Variants in ROBO2 observed in about 807,000 individuals in gnomAD.
The protein encoded by ROBO2 is roundabout guidance receptor 2, also known as roundabout homolog 2.
Under a neutral mutation model 160.8 loss-of-function variants are expected in ROBO2, and 53 were observed. That is an observed-to-expected ratio of 0.33 (90% confidence interval 0.26 to 0.41). The LOEUF is 0.41. ROBO2 is among the 10% of genes least tolerant of loss of function. The pLI is 1.00. For missense variants in ROBO2, 1,577 were observed against 1,722.4 expected, an observed-to-expected ratio of 0.92 and a Z score of 1.49; for synonymous variants, 664 against 611.7, an observed-to-expected ratio of 1.09 and a Z score of -1.26.
chr3:77,309,264 T>A (rs963280193), intron 2 of ROBO2, among the ~76,000 whole-genome samples: 34 of 152,294 alleles, frequency 2.2e-4, no homozygotes, highest in Admixed American at 1.8e-3. Flanking sequence ...AATACGTAAA[T>A]ACATAATTCA....
chr3:76,208,684 C>A (rs1702956418), intron 2 of ROBO2, among the ~76,000 whole-genome samples: 1 of 152,112 alleles, frequency 6.6e-6, no homozygotes, highest in African/African-American at 2.4e-5. Flanking sequence ...TTTATTGTTT[C>A]CTGTGTAAAA....
At chr3:77,312,760 A>G (rs2063658036) in intron 2 of ROBO2, among the ~76,000 whole-genome samples, 1 of 152,192 alleles carries the variant, frequency 6.6e-6, no homozygotes, top group Non-Finnish European at 1.5e-5. Flanking sequence ...GAAAATGTCT[A>G]CCTTAAGCAA....
chr3:75,985,946 A>G (rs570912058), intron 2 of ROBO2, among the ~76,000 whole-genome samples: 22 of 151,774 alleles, frequency 1.4e-4, no homozygotes, highest in Admixed American at 1.3e-3. Flanking sequence ...CCATTAATCC[A>G]TTGAGAGACA....
At chr3:77,354,291 A>T (rs958371532) in intron 2 of ROBO2, among the ~76,000 whole-genome samples, 2 of 152,204 alleles carry the variant, frequency 1.3e-5, no homozygotes, top group Non-Finnish European at 2.9e-5. Flanking sequence ...ATACAGATCA[A>T]CCTAGAGCAC....
intron 2 of ROBO2, among the ~76,000 whole-genome samples, chr3:76,502,742 T>C (rs1019838162): frequency 6.6e-6 from 1 of 152,140 alleles, no homozygotes; most frequent in African/African-American, 2.4e-5. Context: ...CTTGTGATGA[T>C]TTGAACACGG....
chr3:76,971,516 G>T (rs1292435558), intron 2 of ROBO2, among the ~76,000 whole-genome samples: 1 of 151,854 alleles, frequency 6.6e-6, no homozygotes, highest in East Asian at 1.9e-4. Context: ...ATAAGCATAT[G>T]TATTTGCCAG....
chr3:76,919,953 T>C (rs2076558742), intron 2 of ROBO2, among the ~76,000 whole-genome samples: 1 of 152,206 alleles, frequency 6.6e-6, no homozygotes, highest in Non-Finnish European at 1.5e-5. Context: ...CATGCACCTA[T>C]TTACTTCACT....
intron 2 of ROBO2, among the ~76,000 whole-genome samples, chr3:76,901,568 C>CA (rs34372046): frequency 0.32 from 23,938 of 75,934 alleles, 4,379 homozygotes; most frequent in African/African-American, 0.4. Flanking sequence ...AATTTCATCT[C>CA]AAAAAAAAAA....
intron 2 of ROBO2, among the ~76,000 whole-genome samples, chr3:76,685,870 T>G (rs573835101): frequency 6.6e-6 from 1 of 152,264 alleles, no homozygotes; most frequent in African/African-American, 2.4e-5. Context: ...CGCATGACTT[T>G]AATTAATTCA....
At chr3:76,716,025 T>C (rs1482303775) in intron 2 of ROBO2, among the ~76,000 whole-genome samples, 2 of 152,226 alleles carry the variant, frequency 1.3e-5, no homozygotes, top group Non-Finnish European at 2.9e-5. Context: ...TTTATCAAAA[T>C]GATATTCTTA....
intron 2 of ROBO2, among the ~76,000 whole-genome samples, chr3:76,545,198 C>T (rs1324902207): frequency 6.6e-6 from 1 of 151,862 alleles, no homozygotes; most frequent in Admixed American, 6.6e-5. Flanking sequence ...GGGTACTAGG[C>T]CTTGTAAAAT....
At chr3:77,520,568 A>G (rs1450869669) in intron 5 of ROBO2, among the ~76,000 whole-genome samples, 1 of 151,198 alleles carries the variant, frequency 6.6e-6, no homozygotes, top group Non-Finnish European at 1.5e-5. Context: ...TTGATCCAGA[A>G]AAGACTTTTT....
intron 2 of ROBO2, among the ~76,000 whole-genome samples, chr3:76,990,476 A>G (rs2060603107): frequency 6.6e-6 from 1 of 152,166 alleles, no homozygotes; most frequent in African/African-American, 2.4e-5. Context: ...AAAAACCTTG[A>G]TATTCAGAAT....
intron 2 of ROBO2, among the ~76,000 whole-genome samples, chr3:77,012,010 T>C (rs1411830870): frequency 6.6e-6 from 1 of 152,156 alleles, no homozygotes. Context: ...AATGAATATG[T>C]ATATGTTCAT....
intron 2 of ROBO2, among the ~76,000 whole-genome samples, chr3:76,742,221 G>T (rs2108055896): frequency 6.6e-6 from 1 of 152,146 alleles, no homozygotes; most frequent in African/African-American, 2.4e-5. Context: ...TTTACCTAAA[G>T]AAGACATTTT....
chr3:76,419,193 C>T (rs755113343), intron 2 of ROBO2, among the ~76,000 whole-genome samples: 1 of 152,014 alleles, frequency 6.6e-6, no homozygotes, highest in Non-Finnish European at 1.5e-5. Context: ...CATCAAATGC[C>T]ACGGTGCGAG....
At chr3:77,036,228 T>C (rs1223796159), upstream of ROBO2, among the ~76,000 whole-genome samples, 3 of 151,952 alleles carry the variant, frequency 2.0e-5, no homozygotes, top group African/African-American at 2.4e-5. Flanking sequence ...AAGCCTCTTA[T>C]AGGAATTTAA....
chr3:77,629,432 ACT>A (rs1323219066), intron 23 of ROBO2: 2 of 152,130 alleles, frequency 1.3e-5, no homozygotes, highest in Admixed American at 1.3e-4. Context: ...AACGAAAGAA[ACT>A]CAACTATTTT....
chr3:76,795,426 A>C (rs2063625024), intron 2 of ROBO2, among the ~76,000 whole-genome samples: 1 of 152,134 alleles, frequency 6.6e-6, no homozygotes, highest in Non-Finnish European at 1.5e-5. Flanking sequence ...AACTAATTTT[A>C]TGTAGTATTC....
Sources: gnomAD v4.1 joint callset for allele counts (sites outside exome capture counted in the v4.1 genomes callset) on GRCh38, gnomAD v4.1.1 for gene constraint, MANE v1.5 for transcripts, NCBI Gene and HGNC (gene_info 2026-07-23, HGNC 2026-07-21) for gene names.